Variants in BPHL observed in about 807,000 individuals in gnomAD.
BPHL encodes the protein serine hydrolase BPHL.
In BPHL, 27 loss-of-function variants were observed where a neutral mutation model predicts 31.2. The observed-to-expected ratio is 0.87, with a 90% CI of 0.64 to 1.19. The LOEUF is 1.19. Ranked by LOEUF, BPHL falls within the 50% of genes most tolerant of loss-of-function variation. The pLI is 0.00. For synonymous variants in BPHL, 150 were observed against 146.8 expected, an observed-to-expected ratio of 1.02 and a Z score of -0.16; for missense variants, 356 against 375.7, an observed-to-expected ratio of 0.95 and a Z score of 0.43.
chr6:3,153,508 T>A lies in BPHL; in HGVS notation c.*933T>A, dbSNP rs1060334. ...CTCTGTACTAAAAGGACAGGAATGT[T>A]ATTAATTAAAACACTAAAGCAGAAA... On this transcript the variant is annotated 3_prime_UTR_variant, in exon 7 of 7. Coordinates refer to ENST00000380379, the MANE Select transcript of BPHL (RefSeq NM_004332.4). 0.07 allele frequency: 26,302 copies of A among 376,706 alleles called. 1,336 individuals are homozygous for A. Among genetic ancestry groups the A allele is most frequent in the African/African-American group, 0.17 (8,058 of 48,608 alleles). 23.3% of individuals were successfully genotyped at this position (376,706 alleles called of 1,614,324 possible).
intron 4 of BPHL, among the ~76,000 whole-genome samples, chr6:3,132,971 A>G (rs146174605): frequency 1.8e-4 from 28 of 152,306 alleles, no homozygotes; most frequent in African/African-American, 6.7e-4. Flanking sequence ...CAGTCTGTCT[A>G]ATACTGAATT....
At chr6:3,135,220 T>C (rs915584453) in intron 4 of BPHL, among the ~76,000 whole-genome samples, 1 of 152,266 alleles carries the variant, frequency 6.6e-6, no homozygotes, top group Non-Finnish European at 1.5e-5. Flanking sequence ...CTGTTAATGG[T>C]CAACTCAGTT....
rs2231358 is a variant in BPHL at position 3,119,325 on chromosome 6, G to C, written c.107+478G>C. The C allele has an allele frequency of 3.7e-3, 5,716 of 1,550,782 alleles. 176 individuals carry two copies. The African/African-American group carries it at 0.069, about 19-fold the overall frequency. On this transcript the variant is annotated intron_variant, in intron 1 of 6. Transcript: ENST00000380379. The stretch of plus-strand genomic sequence containing the variant: ...TGAGTACCGCTAAGGCTTTAATCAC[G>C]GGTCCCGAGAGCCCTAAGTCTTCTC...
At chr6:3,141,048 A>G (rs1762160031) in intron 6 of BPHL, among the ~76,000 whole-genome samples, 1 of 152,254 alleles carries the variant, frequency 6.6e-6, no homozygotes, top group Admixed American at 6.5e-5. Flanking sequence ...GCTCTGTTCT[A>G]TGATGTATTT....
At chr6:3,133,102 T>A (rs1040873203) in intron 4 of BPHL, among the ~76,000 whole-genome samples, 6 of 152,210 alleles carry the variant, frequency 3.9e-5, no homozygotes, top group African/African-American at 1.4e-4. Context: ...TGAGCTAAAG[T>A]CTTTAACAAC....
intron 1 of BPHL, among the ~76,000 whole-genome samples, chr6:3,120,875 T>C (rs181749864): frequency 6.6e-6 from 1 of 152,326 alleles, no homozygotes; most frequent in Non-Finnish European, 1.5e-5. Flanking sequence ...CACCACGCTG[T>C]ATCTGGCAGT....
At chr6:3,132,773 G>A (rs1357823474) in intron 4 of BPHL, among the ~76,000 whole-genome samples, 1 of 152,202 alleles carries the variant, frequency 6.6e-6, no homozygotes, top group Non-Finnish European at 1.5e-5. Flanking sequence ...TGAGGCTGCC[G>A]TGATCTGTGA....
rs948251005 is a variant in BPHL at position 3,140,567 on chromosome 6, G to A, written c.788+58G>A. 294 of 1,602,344 alleles carry A rather than the reference G, an allele frequency of 1.8e-4. 1 individual carries two copies. The South Asian group carries it at 3.1e-3, about 17-fold the overall frequency. The stretch of plus-strand genomic sequence containing the variant: ...GAGAGCCTCGGAGTCAATGGGCAAA[G>A]CTACTGGAAGGAAAATAACCAAGAG... On this transcript the variant is annotated intron_variant, in intron 6 of 6. Transcript: ENST00000380379. The surrounding 1 kb of genome is among the most constrained non-coding windows in gnomAD (Gnocchi z 5.2).
chr6:3,139,062 G>T (rs1340686868), intron 5 of BPHL: 1 of 152,170 alleles, frequency 6.6e-6, no homozygotes, highest in Non-Finnish European at 1.5e-5. Flanking sequence ...CTGAGTGTGA[G>T]TTCTGCCTGT....
chr6:3,138,298 C>T (rs763994832), intron 5 of BPHL: 5 of 200,304 alleles, frequency 2.5e-5, no homozygotes, highest in Admixed American at 5.6e-5. Context: ...GATTACAGGC[C>T]TGAGACACCA....
In BPHL at chr6:3,152,475, A is replaced by G; in HGVS notation, c.789-13A>G. 6.2e-7 allele frequency: 1 copy of G among 1,611,838 alleles called. No individual in the cohort carries two copies. The highest frequency in any genetic ancestry group is 8.5e-7 in the Non-Finnish European group (1 of 1,178,710). Reference sequence around the variant, plus strand: ...GGGCCATTGACCCAAAGTATTTTTAATTCCTTTTTTAGGCTGCATTTGATG... The same window carrying G: ...GGGCCATTGACCCAAAGTATTTTTAGTTCCTTTTTTAGGCTGCATTTGATG... On this transcript the variant is annotated splice_polypyrimidine_tract_variant and intron_variant, in intron 6 of 6. Transcript: ENST00000380379.
chr6:3,123,866 A>T (rs1367995065), intron 2 of BPHL, 106 bp downstream of exon 2: 2 of 908,294 alleles, frequency 2.2e-6, no homozygotes, highest in African/African-American at 3.4e-5. Flanking sequence ...CTTTTTTGAA[A>T]TGTTTTCATA....
At chr6:3,148,753 T>C (rs1762447566) in intron 6 of BPHL, among the ~76,000 whole-genome samples, 1 of 152,248 alleles carries the variant, frequency 6.6e-6, no homozygotes. Flanking sequence ...CCAGTGCTTA[T>C]CAAGTTGAGT....
upstream of BPHL, chr6:3,118,549 C>G: frequency 2.5e-6 from 1 of 407,376 alleles, no homozygotes; most frequent in Non-Finnish European, 4.2e-6. Flanking sequence ...TGCGAAACCA[C>G]GAGCCGAGTT....
chr6:3,121,408 C>T (rs992723829), intron 1 of BPHL, among the ~76,000 whole-genome samples: 1 of 150,414 alleles, frequency 6.6e-6, no homozygotes, highest in East Asian at 2.0e-4. Context: ...CCAGCGATTC[C>T]CCTGCCTCAG....
chr6:3,148,269 C>G (rs1032275111), intron 6 of BPHL, among the ~76,000 whole-genome samples: 1 of 152,216 alleles, frequency 6.6e-6, no homozygotes, highest in East Asian at 1.9e-4. Flanking sequence ...GCTAGTTACT[C>G]TCCTCTGTCT....
At chr6:3,152,273 T>G (rs1762544063) in intron 6 of BPHL, among the ~76,000 whole-genome samples, 1 of 152,222 alleles carries the variant, frequency 6.6e-6, no homozygotes, top group South Asian at 2.1e-4. Context: ...CATTGCCTTA[T>G]AGTCAACCTC....
At chr6:3,134,861 C>T (rs1437463149) in intron 4 of BPHL, among the ~76,000 whole-genome samples, 1 of 152,112 alleles carries the variant, frequency 6.6e-6, no homozygotes, top group African/African-American at 2.4e-5. Context: ...CTCGGCCTCC[C>T]AAAGTGCTGG....
intron 1 of BPHL, among the ~76,000 whole-genome samples, 174 bp downstream of exon 1, chr6:3,119,021 G>T (rs1371520793): frequency 6.6e-6 from 1 of 151,674 alleles, no homozygotes; most frequent in Non-Finnish European, 1.5e-5. Flanking sequence ...GGCCAGCCGC[G>T]CTTGGTGCTC....
Sources: allele counts gnomAD v4.1 joint callset (sites outside exome capture counted in the v4.1 genomes callset), GRCh38; gene constraint gnomAD v4.1.1; non-coding constraint Gnocchi (gnomAD v3.1); transcripts MANE v1.5; gene names NCBI Gene and HGNC (gene_info 2026-07-23, HGNC 2026-07-21).